PRKN: variants seen among roughly 807,000 people sequenced by gnomAD.
PRKN encodes E3 ubiquitin-protein ligase parkin.
PRKN carries 56 observed loss-of-function variants against 59.5 expected under a neutral mutation model. The observed-to-expected ratio is 0.94, with a 90% CI of 0.76 to 1.18. PRKN has a LOEUF of 1.18. PRKN is among the 50% of genes most tolerant of loss of function. The probability of loss-of-function intolerance (pLI) is 0.00; values close to 1 mark genes in which losing one functional copy is unlikely to be tolerated. For synonymous variants in PRKN, 250 were observed against 222.1 expected, an observed-to-expected ratio of 1.13 and a Z score of -1.12; for missense variants, 657 against 596.4, an observed-to-expected ratio of 1.10 and a Z score of -1.06.
At chr6:162,360,733 C>A (rs1006149223) in intron 2 of PRKN, among the ~76,000 whole-genome samples, 2 of 152,170 alleles carry the variant, frequency 1.3e-5, no homozygotes, top group Non-Finnish European at 2.9e-5. Flanking sequence ...GGCTCTCGCT[C>A]CACCTTTCTC....
rs569204751 is a variant in PRKN at position 161,435,708 on chromosome 6, A to G, written c.1084-48831T>C. ...TTCTGCATCACTTCCTTTACCAGGAATGATATTTAAATTATTCCAAAATGT... is the reference window on the plus strand; with the variant it reads ...TTCTGCATCACTTCCTTTACCAGGAGTGATATTTAAATTATTCCAAAATGT... On this transcript the variant is annotated intron_variant, in intron 9 of 11. Transcript: ENST00000366898. 6.6e-5 allele frequency among the ~76,000 whole-genome samples: 10 copies of G among 151,624 alleles called. No homozygotes were observed. The South Asian group carries it at 2.1e-3, about 32-fold the overall frequency.
chr6:162,553,567 G>C (rs1335595159), intron 1 of PRKN, among the ~76,000 whole-genome samples: 1 of 136,234 alleles, frequency 7.3e-6, no homozygotes, highest in Non-Finnish European at 1.6e-5. Flanking sequence ...ACACCCTAAA[G>C]CTTCAAGGGA....
chr6:162,700,918 C>T, intron 1 of PRKN, among the ~76,000 whole-genome samples: 1 of 151,978 alleles, frequency 6.6e-6, no homozygotes, highest in East Asian at 1.9e-4. Context: ...TTAGGTTTTC[C>T]TTTACCTCAT....
At chr6:162,541,151 C>T (rs1778911573) in intron 1 of PRKN, among the ~76,000 whole-genome samples, 1 of 152,174 alleles carries the variant, frequency 6.6e-6, no homozygotes, top group Non-Finnish European at 1.5e-5. Context: ...GTTCTGGGCT[C>T]AGGCAGTACA....
At chr6:161,874,014 T>C in intron 6 of PRKN, among the ~76,000 whole-genome samples, 1 of 50,282 alleles carries the variant, frequency 2.0e-5, no homozygotes, top group Non-Finnish European at 3.6e-5. Context: ...AAAATATATA[T>C]TATATGTAAA....
At chr6:162,561,022 G>A (rs936663462) in intron 1 of PRKN, among the ~76,000 whole-genome samples, 2 of 152,010 alleles carry the variant, frequency 1.3e-5, no homozygotes, top group African/African-American at 4.8e-5. Context: ...TGACCAGATG[G>A]GACTGAGGAA....
chr6:161,531,006 A>G (rs1476366144), intron 9 of PRKN, among the ~76,000 whole-genome samples: 1 of 152,228 alleles, frequency 6.6e-6, no homozygotes, highest in African/African-American at 2.4e-5. Flanking sequence ...CAAACAGAAC[A>G]TAGCACTCCA....
At chr6:161,724,289 T>C (rs961931839) in intron 7 of PRKN, among the ~76,000 whole-genome samples, 1 of 152,218 alleles carries the variant, frequency 6.6e-6, no homozygotes, top group African/African-American at 2.4e-5. Flanking sequence ...ACAAGGATAT[T>C]GCAACTTTCT....
In PRKN at chr6:161,897,915, T is replaced by C. The variant is rs371680316; in HGVS notation, c.734+75387A>G. ...CCGGGAGGCGGAGCTTGCAGTGAGCTGAGATCGCGCCACTGCACTCCAGCC... is the reference window on the plus strand; with the variant it reads ...CCGGGAGGCGGAGCTTGCAGTGAGCCGAGATCGCGCCACTGCACTCCAGCC... On this transcript the variant is annotated intron_variant, in intron 6 of 11. Coordinates refer to ENST00000366898, the MANE Select transcript of PRKN (RefSeq NM_004562.3). Among the ~76,000 whole-genome samples, 596 of 121,554 alleles carry C rather than the reference T, an allele frequency of 4.9e-3. 3 individuals carry two copies. The highest frequency in any genetic ancestry group is 0.012 in the African/African-American group (362 of 30,542). 79.7% of individuals were successfully genotyped at this position (121,554 alleles called of 152,430 possible). A position where few individuals can be genotyped will look rare whatever the true frequency, so the allele number is the denominator to read the frequency against.
intron 5 of PRKN, among the ~76,000 whole-genome samples, chr6:161,985,737 T>C (rs1781410511): frequency 6.6e-6 from 1 of 152,182 alleles, no homozygotes; most frequent in Admixed American, 6.5e-5. Flanking sequence ...AGCAAGGCCT[T>C]GTAGACTTTC....
At chr6:161,804,677 C>A (rs1179961117) in intron 6 of PRKN, among the ~76,000 whole-genome samples, 1 of 152,072 alleles carries the variant, frequency 6.6e-6, no homozygotes, top group East Asian at 1.9e-4. Context: ...TATTAATTGG[C>A]AAACTCTGTT....
At chr6:162,374,313 C>A (rs1785930525) in intron 2 of PRKN, among the ~76,000 whole-genome samples, 1 of 150,930 alleles carries the variant, frequency 6.6e-6, no homozygotes, top group South Asian at 2.1e-4. Flanking sequence ...GGTTACTTTT[C>A]TGTAAGGATT....
intron 1 of PRKN, among the ~76,000 whole-genome samples, chr6:162,647,269 C>T (rs1229069108): frequency 6.6e-6 from 1 of 151,644 alleles, no homozygotes; most frequent in Non-Finnish European, 1.5e-5. Flanking sequence ...TAGTATTTTG[C>T]TAAATAAATT....
intron 4 of PRKN, among the ~76,000 whole-genome samples, chr6:162,079,351 C>T (rs1778964746): frequency 6.6e-6 from 1 of 152,124 alleles, no homozygotes; most frequent in African/African-American, 2.4e-5. Context: ...TTCTCCAAAT[C>T]CTGACCTCTA....
chr6:161,726,955 G>A (rs1787466985), intron 7 of PRKN, among the ~76,000 whole-genome samples: 1 of 152,132 alleles, frequency 6.6e-6, no homozygotes, highest in African/African-American at 2.4e-5. Context: ...GGCTGCTTCT[G>A]TCCTGGATGT....
intron 9 of PRKN, among the ~76,000 whole-genome samples, chr6:161,412,412 C>CCACT (rs1042518852): frequency 1.3e-5 from 2 of 148,672 alleles, no homozygotes; most frequent in Non-Finnish European, 3.0e-5. Context: ...ACGCATTCCT[C>CCACT]CACTCACTCA....
chr6:162,470,208 C>G (rs1583627517), intron 1 of PRKN, among the ~76,000 whole-genome samples: 1 of 152,080 alleles, frequency 6.6e-6, no homozygotes, highest in African/African-American at 2.4e-5. Context: ...ATTTCTAGAC[C>G]CTATGTCCTT....
At chr6:162,659,119 T>A (rs1454892186) in intron 1 of PRKN, among the ~76,000 whole-genome samples, 1 of 152,212 alleles carries the variant, frequency 6.6e-6, no homozygotes, top group African/African-American at 2.4e-5. Flanking sequence ...ATATTATGAA[T>A]GTTAAATGTT....
chr6:162,723,745 A>C (rs145921020), intron 1 of PRKN, among the ~76,000 whole-genome samples: 1 of 152,346 alleles, frequency 6.6e-6, no homozygotes, highest in African/African-American at 2.4e-5. Flanking sequence ...GCAAGTAAAA[A>C]GATATGGCCA....
Sources: allele counts gnomAD v4.1 joint callset (sites outside exome capture counted in the v4.1 genomes callset), GRCh38; gene constraint gnomAD v4.1.1; transcripts MANE v1.5; gene names NCBI Gene and HGNC (gene_info 2026-07-23, HGNC 2026-07-21).